The following TNS3 variants were observed in gnomAD, a reference collection of about 807,000 sequenced individuals.
TNS3 encodes tensin 3.
TNS3 carries 45 observed loss-of-function variants against 140.9 expected under a neutral mutation model. That is an observed-to-expected ratio of 0.32 (90% CI 0.25 to 0.41). The LOEUF (loss-of-function observed/expected upper bound fraction) is 0.41, where lower values mean the gene tolerates loss of function less well. Ranked by LOEUF, TNS3 falls within the 10% of genes least tolerant of loss-of-function variation. The pLI is 1.00. For missense variants in TNS3, 1,716 were observed against 1,906.7 expected (o/e 0.90, Z 1.86); for synonymous variants, 815 against 788.4 (o/e 1.03, Z -0.56).
At chr7:47,292,220 A>G (rs1489164736) in intron 26 of TNS3, among the ~76,000 whole-genome samples, 188 bp from the exon 27 acceptor site, 1 of 152,228 alleles carries the variant, frequency 6.6e-6, no homozygotes, top group East Asian at 1.9e-4. Context: ...GAATAAAAGT[A>G]GAGATGACAA....
chr7:47,395,718 C>T (rs1382839231), intron 16 of TNS3, among the ~76,000 whole-genome samples: 5 of 152,208 alleles, frequency 3.3e-5, no homozygotes, highest in Non-Finnish European at 5.9e-5. Context: ...AAGCTCTCCC[C>T]GTCCACAACT....
intron 2 of TNS3, among the ~76,000 whole-genome samples, chr7:47,521,178 A>AT (rs1430608720): frequency 1.3e-5 from 2 of 152,122 alleles, no homozygotes. Context: ...CGTCCTGACA[A>AT]TGCCCACACT....
rs577577488 is a variant in TNS3 at position 47,336,233 on chromosome 7, T to C, written c.2650+8522A>G. On this transcript the variant is annotated intron_variant, in intron 20 of 30. Transcript: ENST00000311160. ...GGCAGTGAATTTCTACTGTTTGGTG[T>C]GTCAGGGAAGCTTGGGGCCGATGGA... 4.0e-5 allele frequency among the ~76,000 whole-genome samples: 6 copies of C among 150,084 alleles called. No homozygotes were observed. In the East Asian group the frequency reaches 9.8e-4, roughly 24 times the overall value.
At position 47,410,639 on chromosome 7, in the gene TNS3, C is replaced by G. The variant is rs567332462; in HGVS notation, c.723+1088G>C. Among the ~76,000 whole-genome samples, 115 of 152,292 alleles carry G rather than the reference C, an allele frequency of 7.6e-4. 1 individual carries two copies. Among genetic ancestry groups the G allele is most frequent in the African/African-American group, 2.6e-3 (110 of 41,558 alleles). On this transcript the variant is annotated intron_variant, in intron 13 of 30. Transcript: ENST00000311160. The stretch of plus-strand genomic sequence containing the variant: ...GGTAGGGAGTTCACCATCCACTAAG[C>G]TAAGATTTCAAAATCTAGGGGTTAC...
At chr7:47,292,152 A>T in intron 26 of TNS3, 120 bp from the exon 27 acceptor site, 1 of 932,852 alleles carries the variant, frequency 1.1e-6, no homozygotes, top group Non-Finnish European at 1.6e-6. Context: ...GGTTTTGCAG[A>T]GTCAAGAGTT....
chr7:47,510,556 C>T (rs750184692), intron 2 of TNS3, among the ~76,000 whole-genome samples: 16 of 152,096 alleles, frequency 1.1e-4, no homozygotes, highest in Non-Finnish European at 1.9e-4. Flanking sequence ...TTTGAGATTT[C>T]AAGTGAAAAT....
intron 30 of TNS3, 190 bp downstream of exon 30, chr7:47,279,974 G>C (rs1375556902): frequency 7.5e-6 from 5 of 665,720 alleles, no homozygotes. Flanking sequence ...CCAACAGCCG[G>C]CAGAAAAGTT....
Position 47,496,607 on chromosome 7 carries a change from C to T in TNS3, c.-115+10300G>A, listed in dbSNP as rs111634632. Among the ~76,000 whole-genome samples the T allele has an allele frequency of 9.2e-3, 1,405 of 152,308 alleles. 12 individuals are homozygous for T. Among genetic ancestry groups the T allele is most frequent in the South Asian group, 0.02 (96 of 4,826 alleles). ...GTTTCAAGAGAAGCGGGAGTAAAAG[C>T]GATGGTGGCCAACGCAAACAGAGTC... On this transcript the variant is annotated intron_variant, in intron 3 of 30. Transcript: ENST00000311160.
intron 13 of TNS3, chr7:47,405,701 G>T: frequency 3.1e-6 from 2 of 643,306 alleles, no homozygotes; most frequent in South Asian, 3.6e-5. Flanking sequence ...ATGCTGTGAT[G>T]CGTCCAACAG....
At chr7:47,470,451 TC>T in intron 4 of TNS3, 1 of 985,456 alleles carries the variant, frequency 1.0e-6, no homozygotes, top group South Asian at 4.7e-5. Flanking sequence ...ACCTGATTTT[TC>T]TTGTCTGCTG....
At chr7:47,439,722 G>T in intron 5 of TNS3, 64 bp from the exon 6 acceptor site, 1 of 1,556,256 alleles carries the variant, frequency 6.4e-7, no homozygotes. Context: ...CATCCTCTAG[G>T]AAAAAGGTGA....
At chr7:47,457,487 A>G (rs1796308916) in intron 4 of TNS3, among the ~76,000 whole-genome samples, 1 of 151,962 alleles carries the variant, frequency 6.6e-6, no homozygotes, top group Admixed American at 6.6e-5. Context: ...CACTCCAAAT[A>G]GCTTCAACAG....
At chr7:47,325,839 T>C (rs962266036) in intron 20 of TNS3, among the ~76,000 whole-genome samples, 5 of 152,204 alleles carry the variant, frequency 3.3e-5, no homozygotes, top group African/African-American at 4.8e-5. Flanking sequence ...GGCAGCTTGA[T>C]TGCCTTGGAT....
intron 10 of TNS3, among the ~76,000 whole-genome samples, chr7:47,418,419 G>C (rs1794196986): frequency 6.6e-6 from 1 of 152,186 alleles, no homozygotes; most frequent in Admixed American, 6.5e-5. Context: ...ATTTATCTGT[G>C]GCATTAAAGG....
intron 3 of TNS3, among the ~76,000 whole-genome samples, chr7:47,492,901 G>A (rs1797865460): frequency 6.6e-6 from 1 of 152,200 alleles, no homozygotes; most frequent in Admixed American, 6.5e-5. Context: ...GAGAGCCAAG[G>A]CCCGTTCATC....
At position 47,275,583 on chromosome 7, in the gene TNS3, C is replaced by T. The variant is rs750129767; in HGVS notation, c.*2493G>A. On this transcript the variant is annotated 3_prime_UTR_variant, in exon 31 of 31. Transcript: ENST00000311160. ...GGTGTCCACGGTGGGGGCTCTCTCA[C>T]GGTTTCTGAGCCCACAGTACAATCT... The T allele has an allele frequency of 7.6e-5, 25 of 330,422 alleles. No homozygotes were observed. The highest frequency in any genetic ancestry group is 1.2e-4 in the Non-Finnish European group (20 of 168,032). 20.5% of individuals were successfully genotyped at this position (330,422 alleles called of 1,614,324 possible).
At chr7:47,468,862 A>G (rs1796830352) in intron 4 of TNS3, among the ~76,000 whole-genome samples, 3 of 152,260 alleles carry the variant, frequency 2.0e-5, no homozygotes, top group Non-Finnish European at 2.9e-5. Flanking sequence ...TAATGTAACC[A>G]AAACAGTACG....
intron 1 of TNS3, among the ~76,000 whole-genome samples, chr7:47,570,733 A>G (rs1800532787): frequency 1.3e-5 from 2 of 152,186 alleles, no homozygotes; most frequent in Non-Finnish European, 2.9e-5. Flanking sequence ...TGTCCAGAGG[A>G]TGGAATGGAG....
chr7:47,461,761 T>C (rs1796500931), intron 4 of TNS3, among the ~76,000 whole-genome samples: 1 of 152,210 alleles, frequency 6.6e-6, no homozygotes, highest in South Asian at 2.1e-4. Flanking sequence ...ATCAATGAAA[T>C]GTGAGCAAAA....
Sources: allele counts gnomAD v4.1 joint callset (sites outside exome capture counted in the v4.1 genomes callset), GRCh38; gene constraint gnomAD v4.1.1; transcripts MANE v1.5; gene names NCBI Gene and HGNC (gene_info 2026-07-23, HGNC 2026-07-21).